Variants in AGBL4 observed in about 807,000 individuals in gnomAD.
AGBL4 encodes the protein AGBL carboxypeptidase 4.
AGBL4 carries 58 observed loss-of-function variants against 66.4 expected under a neutral mutation model. The observed-to-expected ratio is 0.87, with a 90% CI of 0.71 to 1.09. AGBL4 has a LOEUF of 1.09. Ranked by LOEUF, AGBL4 falls within the 50% of genes least tolerant of loss-of-function variation. AGBL4 has a pLI of 0.00. For missense variants in AGBL4, 579 were observed against 631.0 expected, an observed-to-expected ratio of 0.92 and a Z score of 0.88; for synonymous variants, 234 against 222.9, an observed-to-expected ratio of 1.05 and a Z score of -0.44.
At chr1:48,738,303 A>T (rs553290629) in intron 6 of AGBL4, among the ~76,000 whole-genome samples, 2 of 152,374 alleles carry the variant, frequency 1.3e-5, no homozygotes, top group East Asian at 3.9e-4. Context: ...TGCTGCAGGC[A>T]ATCAGATAAC....
At chr1:49,124,965 T>A (rs924898365) in intron 4 of AGBL4, among the ~76,000 whole-genome samples, 6 of 152,168 alleles carry the variant, frequency 3.9e-5, no homozygotes, top group African/African-American at 1.4e-4. Context: ...GAGTGTGAAT[T>A]AGCCCACAGG....
chr1:49,045,754 G>T lies in AGBL4; in HGVS notation c.424C>A (p.His142Asn), dbSNP rs1452491903. 2 of 1,551,682 alleles carry T rather than the reference G, an allele frequency of 1.3e-6. No homozygotes were observed. Among genetic ancestry groups the T allele is most frequent in the East Asian group, 2.4e-5 (1 of 40,918 alleles). ...KNVYYYRCPD[H>N]RKNYVMSFAF... is the part of the protein sequence containing the mutation. Reference sequence around the variant, plus strand: ...AAGGACATCACATAGTTCTTCCTATGGTCCGGGCAGCGGTAGTAGTAAACA... The same window carrying T: ...AAGGACATCACATAGTTCTTCCTATTGTCCGGGCAGCGGTAGTAGTAAACA... The change falls in exon 5 of 14, where the codon CAT becomes AAT. Residue 142 changes from histidine (H) to asparagine (N), a missense_variant. By Grantham distance (68) the His-to-Asn change is moderately conservative (BLOSUM62 1). Transcript: ENST00000371839.
intron 2 of AGBL4, among the ~76,000 whole-genome samples, chr1:49,729,402 A>C (rs1649262813): frequency 1.3e-5 from 2 of 152,204 alleles, no homozygotes; most frequent in South Asian, 4.1e-4. Flanking sequence ...TAAGAAACCG[A>C]ATTTTATATT....
intron 4 of AGBL4, among the ~76,000 whole-genome samples, chr1:49,158,847 G>A (rs920800465): frequency 6.6e-6 from 1 of 151,048 alleles, no homozygotes; most frequent in Non-Finnish European, 1.5e-5. Flanking sequence ...TTTGGTCTTT[G>A]TTGGTTTAAA....
chr1:48,638,555 T>C (rs1000921537), intron 8 of AGBL4, among the ~76,000 whole-genome samples: 1 of 152,204 alleles, frequency 6.6e-6, no homozygotes, highest in Non-Finnish European at 1.5e-5. Context: ...GTTGAAATTG[T>C]CTAAACTTAA....
intron 1 of AGBL4, among the ~76,000 whole-genome samples, chr1:50,007,967 AAGAGG>A (rs1661259628): frequency 6.6e-6 from 1 of 151,986 alleles, no homozygotes; most frequent in Non-Finnish European, 1.5e-5. Flanking sequence ...CCAATTCAGC[AAGAGG>A]ATAAAACAAT....
At chr1:49,217,884 C>T (rs575909369) in intron 4 of AGBL4, among the ~76,000 whole-genome samples, 2 of 152,188 alleles carry the variant, frequency 1.3e-5, no homozygotes, top group East Asian at 3.9e-4. Flanking sequence ...GGGAAGAGAT[C>T]TTAAAGGCCC....
At chr1:49,179,516 A>G (rs1486300216) in intron 4 of AGBL4, among the ~76,000 whole-genome samples, 1 of 151,908 alleles carries the variant, frequency 6.6e-6, no homozygotes, top group Non-Finnish European at 1.5e-5. Context: ...ACTTGGTGAA[A>G]GTTTGCGGAA....
At chr1:49,632,068 A>C (rs979633871) in intron 3 of AGBL4, among the ~76,000 whole-genome samples, 1 of 152,190 alleles carries the variant, frequency 6.6e-6, no homozygotes, top group Non-Finnish European at 1.5e-5. Context: ...AGCACTTAGA[A>C]CTCTGAGATG....
intron 4 of AGBL4, among the ~76,000 whole-genome samples, chr1:49,167,148 C>T (rs995360061): frequency 5.9e-5 from 9 of 152,112 alleles, no homozygotes; most frequent in African/African-American, 1.7e-4. Flanking sequence ...CATTGTCACC[C>T]GTATAAAATA....
intron 3 of AGBL4, among the ~76,000 whole-genome samples, chr1:49,325,465 A>G (rs571687554): frequency 6.6e-6 from 1 of 152,160 alleles, no homozygotes; most frequent in East Asian, 1.9e-4. Context: ...ACTTCTACCC[A>G]TGTTATAATA....
chr1:48,893,388 A>G (rs1385416775), intron 5 of AGBL4, among the ~76,000 whole-genome samples: 4 of 152,058 alleles, frequency 2.6e-5, no homozygotes, highest in Non-Finnish European at 4.4e-5. Context: ...TGCCCTTATA[A>G]AAAAGACTCC....
intron 2 of AGBL4, among the ~76,000 whole-genome samples, chr1:49,825,728 A>G (rs1464975718): frequency 6.6e-6 from 1 of 152,200 alleles, no homozygotes; most frequent in Non-Finnish European, 1.5e-5. Context: ...CTGCCAGCAG[A>G]TGGCCTTCAG....
At chr1:49,575,791 T>C (rs1644424071) in intron 3 of AGBL4, among the ~76,000 whole-genome samples, 2 of 152,234 alleles carry the variant, frequency 1.3e-5, no homozygotes, top group Non-Finnish European at 2.9e-5. Flanking sequence ...GCAATTTGCC[T>C]TCAGCTGCAA....
At chr1:48,728,707 G>A (rs1029470637) in intron 6 of AGBL4, among the ~76,000 whole-genome samples, 4 of 152,166 alleles carry the variant, frequency 2.6e-5, no homozygotes, top group Non-Finnish European at 5.9e-5. Flanking sequence ...ATCAGCCTAG[G>A]CGTGGACTTG....
chr1:50,002,560 G>T (rs1460448502), intron 1 of AGBL4, among the ~76,000 whole-genome samples: 1 of 151,250 alleles, frequency 6.6e-6, no homozygotes, highest in East Asian at 1.9e-4. Flanking sequence ...TAGTAGAGAC[G>T]GGGTTTCACC....
chr1:49,371,533 C>T (rs1471585964), intron 3 of AGBL4, among the ~76,000 whole-genome samples: 1 of 152,108 alleles, frequency 6.6e-6, no homozygotes, highest in Non-Finnish European at 1.5e-5. Context: ...AATCCTCTTA[C>T]TCCATCATTA....
At chr1:49,674,032 C>T (rs972224565) in intron 3 of AGBL4, among the ~76,000 whole-genome samples, 1 of 151,870 alleles carries the variant, frequency 6.6e-6, no homozygotes, top group African/African-American at 2.4e-5. Flanking sequence ...AGGTACAATC[C>T]CATGCAGAAA....
chr1:49,592,226 T>C (rs1644764669), intron 3 of AGBL4, among the ~76,000 whole-genome samples: 1 of 151,636 alleles, frequency 6.6e-6, no homozygotes, highest in African/African-American at 2.4e-5. Flanking sequence ...CCAAGGAACT[T>C]AAACAAATCA....
Sources: allele counts gnomAD v4.1 joint callset (sites outside exome capture counted in the v4.1 genomes callset), GRCh38; gene constraint gnomAD v4.1.1; transcripts MANE v1.5; gene names NCBI Gene and HGNC (gene_info 2026-07-23, HGNC 2026-07-21).